BABAM2: variants seen among roughly 807,000 people sequenced by gnomAD.
BABAM2 encodes the protein BRISC and BRCA1 A complex member 2.
A neutral mutation model predicts 54.7 loss-of-function variants in BABAM2; 31 were observed. The ratio of observed to expected loss-of-function variants is 0.57; its 90% CI spans 0.43 to 0.77. The LOEUF is 0.77. BABAM2 is among the 30% of genes least tolerant of loss of function. BABAM2 has a pLI of 0.00. For missense variants in BABAM2, 364 were observed against 455.8 expected (o/e 0.80, Z 1.83); for synonymous variants, 167 against 162.9 (o/e 1.03, Z -0.19).
intron 3 of BABAM2, among the ~76,000 whole-genome samples, chr2:27,973,983 A>G (rs1434910004): frequency 1.3e-5 from 2 of 152,242 alleles, no homozygotes; most frequent in African/African-American, 4.8e-5. Context: ...TAAACTATCA[A>G]GATTCACTCA....
intron 6 of BABAM2, among the ~76,000 whole-genome samples, chr2:28,117,155 T>A (rs540058204): frequency 6.6e-6 from 1 of 152,268 alleles, no homozygotes; most frequent in South Asian, 2.1e-4. Context: ...AGCCAGAGCC[T>A]GGTACTGCAG....
intron 7 of BABAM2, among the ~76,000 whole-genome samples, chr2:28,157,674 C>T (rs192244755): frequency 4.6e-5 from 7 of 152,242 alleles, no homozygotes; most frequent in Non-Finnish European, 7.4e-5. Flanking sequence ...TGCAATGGCG[C>T]GATCTCGGCT....
chr2:28,312,835 A>G (rs17739364), intron 11 of BABAM2, among the ~76,000 whole-genome samples: 10,843 of 152,292 alleles, frequency 0.071, 545 homozygotes, highest in Non-Finnish European at 0.11. Context: ...AATAATCGAT[A>G]TAGACCTTTA....
At chr2:27,909,561 T>G (rs1666428797) in intron 2 of BABAM2, among the ~76,000 whole-genome samples, 2 of 152,210 alleles carry the variant, frequency 1.3e-5, no homozygotes, top group Non-Finnish European at 2.9e-5. Flanking sequence ...AAAGTTTCAC[T>G]TGACAAAATT....
chr2:28,015,557 G>A (rs561135122), intron 4 of BABAM2, among the ~76,000 whole-genome samples: 13 of 152,258 alleles, frequency 8.5e-5, no homozygotes, highest in Non-Finnish European at 1.9e-4. Context: ...GAAAAAAATA[G>A]ATGTTCAAGC....
intron 6 of BABAM2, among the ~76,000 whole-genome samples, chr2:28,072,045 G>A (rs1320173846): frequency 6.6e-6 from 1 of 152,156 alleles, no homozygotes; most frequent in East Asian, 1.9e-4. Flanking sequence ...TTTTGAAACA[G>A]GGTCTCACTC....
At chr2:28,160,883 A>G (rs1007366325) in intron 7 of BABAM2, among the ~76,000 whole-genome samples, 2 of 152,184 alleles carry the variant, frequency 1.3e-5, no homozygotes, top group Non-Finnish European at 2.9e-5. Flanking sequence ...TAATCTGTAT[A>G]AGAGTTGTCA....
chr2:28,076,866 T>C (rs1297440603), intron 6 of BABAM2, among the ~76,000 whole-genome samples: 1 of 152,186 alleles, frequency 6.6e-6, no homozygotes, highest in Non-Finnish European at 1.5e-5. Flanking sequence ...TGTATAAAGA[T>C]ATTTCTGTAC....
At chr2:27,984,660 T>G (rs1031335857) in intron 3 of BABAM2, among the ~76,000 whole-genome samples, 1 of 152,072 alleles carries the variant, frequency 6.6e-6, no homozygotes, top group African/African-American at 2.4e-5. Flanking sequence ...TTTTTAGTTT[T>G]TTTTGTGTGT....
intron 3 of BABAM2, among the ~76,000 whole-genome samples, chr2:27,985,437 A>C (rs2148481184): frequency 6.6e-6 from 1 of 152,108 alleles, no homozygotes; most frequent in South Asian, 2.1e-4. Context: ...TAAGGTGGTA[A>C]TCGTATTGTG....
At chr2:28,336,041 G>A (rs1461918187) in intron 11 of BABAM2, among the ~76,000 whole-genome samples, 3 of 152,226 alleles carry the variant, frequency 2.0e-5, no homozygotes, top group African/African-American at 7.2e-5. Context: ...TAGAGTCATT[G>A]AATGCCAGGC....
At chr2:28,256,839 C>T (rs1209843826) in intron 10 of BABAM2, among the ~76,000 whole-genome samples, 3 of 151,798 alleles carry the variant, frequency 2.0e-5, no homozygotes, top group African/African-American at 4.8e-5. Context: ...GGATTACAGG[C>T]GCACAGCAAC....
intron 10 of BABAM2, among the ~76,000 whole-genome samples, chr2:28,255,802 A>G (rs1157000419): frequency 1.3e-5 from 2 of 152,166 alleles, no homozygotes; most frequent in Non-Finnish European, 2.9e-5. Context: ...AGTAGCTGGC[A>G]TTACAGGTGT....
At chr2:27,956,551 T>G (rs895139366) in intron 3 of BABAM2, among the ~76,000 whole-genome samples, 2 of 152,184 alleles carry the variant, frequency 1.3e-5, no homozygotes, top group Non-Finnish European at 2.9e-5. Flanking sequence ...CAGGAAATGT[T>G]TATTAAATGA....
intron 4 of BABAM2, among the ~76,000 whole-genome samples, chr2:28,023,150 T>A (rs1675397198): frequency 1.3e-5 from 2 of 152,212 alleles, no homozygotes; most frequent in African/African-American, 4.8e-5. Context: ...TTTGTTTGAA[T>A]CACTTGAAAT....
intron 7 of BABAM2, among the ~76,000 whole-genome samples, chr2:28,182,793 G>A (rs1408705075): frequency 6.6e-6 from 1 of 152,210 alleles, no homozygotes; most frequent in Non-Finnish European, 1.5e-5. Context: ...ATTTTCAACT[G>A]TTACTGCATC....
upstream of BABAM2, chr2:27,889,870 C>T (rs1664677257): frequency 5.1e-6 from 1 of 194,538 alleles, no homozygotes; most frequent in African/African-American, 2.3e-5. Context: ...CTCACAACAA[C>T]CCTGTGAGGT....
chr2:28,044,015 A>T (rs1376604634), intron 5 of BABAM2, among the ~76,000 whole-genome samples: 1 of 152,130 alleles, frequency 6.6e-6, no homozygotes, highest in Non-Finnish European at 1.5e-5. Flanking sequence ...TGTCCATTCA[A>T]TTCTCATTTC....
chr2:27,934,521 A>G (rs1668352306), intron 3 of BABAM2, among the ~76,000 whole-genome samples: 1 of 152,224 alleles, frequency 6.6e-6, no homozygotes, highest in Admixed American at 6.5e-5. Flanking sequence ...TAAGTGTTCA[A>G]GTGAAGAGTC....
Sources: allele counts gnomAD v4.1 joint callset (sites outside exome capture counted in the v4.1 genomes callset), GRCh38; gene constraint gnomAD v4.1.1; transcripts MANE v1.5; gene names NCBI Gene and HGNC (gene_info 2026-07-23, HGNC 2026-07-21).